SOX6: variants seen among roughly 807,000 people sequenced by gnomAD.
The protein encoded by SOX6 is SRY-box transcription factor 6, also known as transcription factor SOX-6.
A neutral mutation model predicts 97.8 loss-of-function variants in SOX6; 11 were observed. The observed-to-expected ratio is 0.11, with a 90% CI of 0.07 to 0.19. The LOEUF (loss-of-function observed/expected upper bound fraction) is 0.19, where lower values mean the gene tolerates loss of function less well. SOX6 is among the 10% of genes least tolerant of loss of function. The probability of loss-of-function intolerance (pLI) is 1.00; values close to 1 mark genes in which losing one functional copy is unlikely to be tolerated. For synonymous variants in SOX6, 360 were observed against 371.4 expected, an observed-to-expected ratio of 0.97 and a Z score of 0.35; for missense variants, 810 against 1,039.5, an observed-to-expected ratio of 0.78 and a Z score of 3.04.
intron 7 of SOX6, among the ~76,000 whole-genome samples, chr11:16,099,458 A>G (rs76120460): frequency 0.026 from 3,944 of 151,834 alleles, 173 homozygotes; most frequent in African/African-American, 0.09. Flanking sequence ...AGGGGAAAAA[A>G]ATCACCATTC....
chr11:16,411,138 G>T (rs1220156636), intron 1 of SOX6, among the ~76,000 whole-genome samples: 1 of 152,100 alleles, frequency 6.6e-6, no homozygotes, highest in Non-Finnish European at 1.5e-5. Context: ...GAAGAAAGGG[G>T]AAATTCTACA....
chr11:16,463,224 T>C (rs947482315), intron 1 of SOX6, among the ~76,000 whole-genome samples: 4 of 152,228 alleles, frequency 2.6e-5, no homozygotes, highest in African/African-American at 9.6e-5. Flanking sequence ...CTTCCTTTCA[T>C]TCATTCCTTC....
intron 5 of SOX6, among the ~76,000 whole-genome samples, chr11:16,186,154 G>A (rs766356900): frequency 5.9e-5 from 9 of 152,126 alleles, no homozygotes; most frequent in South Asian, 4.2e-4. Flanking sequence ...AGTCAATCAG[G>A]TCAAATACTT....
chr11:16,376,153 T>G (rs1857638173), intron 1 of SOX6, among the ~76,000 whole-genome samples: 1 of 152,152 alleles, frequency 6.6e-6, no homozygotes, highest in South Asian at 2.1e-4. Flanking sequence ...ATTCTGCACA[T>G]GTATCCCAGA....
intron 3 of SOX6, among the ~76,000 whole-genome samples, chr11:16,634,209 C>T (rs1194531910): frequency 3.3e-5 from 5 of 151,182 alleles, no homozygotes; most frequent in Non-Finnish European, 7.4e-5. Context: ...AAACTTAGGA[C>T]TGGAAAATAA....
intron 3 of SOX6, among the ~76,000 whole-genome samples, chr11:16,284,237 G>C (rs1854666220): frequency 6.6e-6 from 1 of 152,042 alleles, no homozygotes; most frequent in African/African-American, 2.4e-5. Flanking sequence ...AATTTTCATA[G>C]AGTTTATGTT....
intron 1 of SOX6, among the ~76,000 whole-genome samples, chr11:16,341,707 G>A (rs2134342141): frequency 6.6e-6 from 1 of 152,188 alleles, no homozygotes; most frequent in Non-Finnish European, 1.5e-5. Flanking sequence ...TTATGTAGGA[G>A]CAAAAGAAGG....
chr11:16,602,135 T>G (rs972238093), intron 4 of SOX6, among the ~76,000 whole-genome samples: 3 of 152,182 alleles, frequency 2.0e-5, no homozygotes, highest in Non-Finnish European at 4.4e-5. Context: ...AAATACATAT[T>G]CACCAAGAGA....
At chr11:16,204,384 A>C (rs1312489852) in intron 4 of SOX6, among the ~76,000 whole-genome samples, 4 of 152,020 alleles carry the variant, frequency 2.6e-5, no homozygotes, top group Admixed American at 2.6e-4. Context: ...CTATAAACTG[A>C]AGAACTGGAG....
chr11:16,683,655 C>T (rs1847945735), intron 3 of SOX6, among the ~76,000 whole-genome samples: 1 of 152,068 alleles, frequency 6.6e-6, no homozygotes, highest in Non-Finnish European at 1.5e-5. Context: ...TAGGCAATAC[C>T]ATTCAGGACA....
intron 3 of SOX6, among the ~76,000 whole-genome samples, chr11:16,282,007 A>G (rs1303459674): frequency 5.4e-5 from 8 of 148,056 alleles, no homozygotes; most frequent in Non-Finnish European, 1.0e-4. Flanking sequence ...ATATATATAT[A>G]CACACACACC....
At chr11:15,988,515 C>T (rs568879394) in intron 14 of SOX6, among the ~76,000 whole-genome samples, 5 of 152,242 alleles carry the variant, frequency 3.3e-5, no homozygotes, top group Admixed American at 3.3e-4. Context: ...AATTTCATAC[C>T]ATTTTGGGTT....
chr11:16,495,858 A>T (rs1860586702), intron 4 of SOX6, among the ~76,000 whole-genome samples: 1 of 152,160 alleles, frequency 6.6e-6, no homozygotes, highest in Non-Finnish European at 1.5e-5. Context: ...CTGCTACTGT[A>T]ACCACTGGGG....
At position 16,641,607 on chromosome 11, in the gene SOX6, A is replaced by G. The variant is rs192968645; in HGVS notation, n.430-29347T>C. 2.0e-5 allele frequency among the ~76,000 whole-genome samples: 3 copies of G among 152,334 alleles called. No homozygotes were observed. The East Asian group carries it at 5.8e-4, about 29-fold the overall frequency. ...GGGTGCTCCTGTATTGGGTGCATATATACTTAGGATAGTTAGCTCTTCTTG... is the reference window on the plus strand; with the variant it reads ...GGGTGCTCCTGTATTGGGTGCATATGTACTTAGGATAGTTAGCTCTTCTTG... On this transcript the variant is annotated intron_variant and non_coding_transcript_variant, in intron 3 of 5. Coordinates refer to the SOX6 transcript ENST00000524520.
intron 1 of SOX6, among the ~76,000 whole-genome samples, chr11:16,420,296 C>T (rs1329788407): frequency 6.6e-6 from 1 of 152,144 alleles, no homozygotes; most frequent in Admixed American, 6.5e-5. Flanking sequence ...TTCTGGATTG[C>T]ATTTGCTTTC....
chr11:16,329,433 C>T (rs1856211785), intron 2 of SOX6, among the ~76,000 whole-genome samples: 4 of 152,154 alleles, frequency 2.6e-5, no homozygotes, highest in Admixed American at 2.6e-4. Flanking sequence ...CTTTAAAACT[C>T]CAATTGTTCA....
intron 12 of SOX6, among the ~76,000 whole-genome samples, chr11:16,032,190 T>G (rs918868787): frequency 6.6e-6 from 1 of 152,140 alleles, no homozygotes; most frequent in African/African-American, 2.4e-5. Flanking sequence ...GGGCTCTTCC[T>G]TCAAGTTACC....
intron 3 of SOX6, among the ~76,000 whole-genome samples, chr11:16,655,379 G>C (rs922474887): frequency 7.2e-5 from 11 of 152,168 alleles, no homozygotes; most frequent in Admixed American, 1.3e-4. Flanking sequence ...ATTAGGCTCA[G>C]TGGAGCCAGA....
chr11:15,986,929 C>T (rs188893131), intron 14 of SOX6, among the ~76,000 whole-genome samples: 2 of 152,110 alleles, frequency 1.3e-5, no homozygotes, highest in Non-Finnish European at 2.9e-5. Flanking sequence ...TCTGCCATGG[C>T]CTAGGTAATT....
Sources: gnomAD v4.1 joint callset for allele counts (sites outside exome capture counted in the v4.1 genomes callset) on GRCh38, gnomAD v4.1.1 for gene constraint, MANE v1.5 for transcripts, NCBI Gene and HGNC (gene_info 2026-07-23, HGNC 2026-07-21) for gene names.